GPR137: variants seen among roughly 807,000 people sequenced by gnomAD.
GPR137 encodes the protein G protein-coupled receptor 137, also known as integral membrane protein GPR137.
In GPR137, 20 loss-of-function variants were observed where a neutral mutation model predicts 38.9. The ratio of observed to expected loss-of-function variants is 0.51; its 90% CI spans 0.36 to 0.75. GPR137 has a LOEUF of 0.75. Ranked by LOEUF, GPR137 falls within the 30% of genes least tolerant of loss-of-function variation. The pLI, the probability that GPR137 is intolerant of heterozygous loss-of-function variation, is 0.00. For missense variants in GPR137, 456 were observed against 526.4 expected (o/e 0.87, Z 1.31); for synonymous variants, 226 against 235.8 (o/e 0.96, Z 0.38).
upstream of GPR137, among the ~76,000 whole-genome samples, chr11:64,281,234 G>A (rs1190724628): frequency 6.6e-6 from 1 of 152,170 alleles, no homozygotes; most frequent in Non-Finnish European, 1.5e-5. Context: ...CCAAAGTGCT[G>A]GGATTATAGG....
chr11:64,285,711 G>A, upstream of GPR137: 4 of 985,344 alleles, frequency 4.1e-6, no homozygotes, highest in Middle Eastern at 5.2e-4. Context: ...AACCCCGGGC[G>A]CCCGCCAGCG....
intron 2 of GPR137, among the ~76,000 whole-genome samples, chr11:64,277,208 C>G (rs1315687896): frequency 1.3e-5 from 2 of 152,206 alleles, no homozygotes; most frequent in Admixed American, 6.5e-5. Flanking sequence ...ATGCCGACCA[C>G]ACACAATCTG....
upstream of GPR137, chr11:64,284,331 T>C (rs1439907537): frequency 6.2e-7 from 1 of 1,612,860 alleles, no homozygotes; most frequent in Admixed American, 1.7e-5. Flanking sequence ...GCTGGAGTCT[T>C]CCTGCTCACT....
chr11:64,286,716 C>T lies in GPR137; in HGVS notation c.192C>T (p.Ala64=). The T allele has an allele frequency of 6.2e-7, 1 of 1,613,726 alleles. No homozygotes were observed. The highest frequency in any genetic ancestry group is 8.5e-7 in the Non-Finnish European group (1 of 1,179,770). ...TCAGCTATCAGACGGTGTTCCTGGCCCTCTGTCTGCTCTGGGCCGCCTTGC... is the reference window on the plus strand; with the variant it reads ...TCAGCTATCAGACGGTGTTCCTGGCTCTCTGTCTGCTCTGGGCCGCCTTGC... ...KRLSYQTVFL[A]LCLLWAALRT... is the part of the protein sequence containing the mutation. Residue 64 remains alanine (A), a synonymous_variant, in exon 1 of 7, where the codon GCC becomes GCT. Coordinates refer to ENST00000438980, the MANE Select transcript of GPR137 (RefSeq NM_001170880.2).
intron 2 of GPR137, chr11:64,287,479 C>T (rs986322281): frequency 1.4e-5 from 8 of 586,160 alleles, no homozygotes; most frequent in Non-Finnish European, 1.7e-5. Flanking sequence ...GGATCAAGGT[C>T]GCAGAGCTGG....
chr11:64,287,216 T>C, intron 2 of GPR137: 9 of 984,956 alleles, frequency 9.1e-6, no homozygotes, highest in Non-Finnish European at 1.1e-5. Context: ...ATAGGAATGC[T>C]TGTGGTAGTG....
upstream of GPR137, among the ~76,000 whole-genome samples, chr11:64,280,508 C>T (rs1330730219): frequency 2.0e-5 from 3 of 148,068 alleles, no homozygotes; most frequent in Non-Finnish European, 1.5e-5. Context: ...CCCACCACCA[C>T]GCCCGGCTAA....
upstream of GPR137, chr11:64,284,054 G>A: frequency 1.7e-6 from 2 of 1,156,684 alleles, no homozygotes; most frequent in South Asian, 1.6e-5. Flanking sequence ...TACGAAAGAG[G>A]AAACTGGGGC....
Position 64,288,400 on chromosome 11 carries a change from G to A in GPR137, c.844G>A (p.Val282Met), listed in dbSNP as rs1565362548. ...GYLVFGLILF[V>M]WELLPTTLLV... ...CCTGGTATTTGGCCTCATCCTCTTC[G>A]TGTGGGAGCTACTGCCCACCACCCT... The change falls in exon 5 of 7, where the codon GTG (valine) becomes ATG (methionine). Residue 282 changes from valine (V) to methionine (M), a missense_variant. Coordinates refer to ENST00000438980, the MANE Select transcript of GPR137 (RefSeq NM_001170880.2). This position sits in a 1 kb window ranked among gnomAD's most constrained non-coding sequence, Gnocchi z 5.5. 2.2e-5 allele frequency: 35 copies of A among 1,613,822 alleles called. No individual in the cohort carries two copies. The highest frequency in any genetic ancestry group is 4.0e-5 in the African/African-American group (3 of 75,022).
At chr11:64,282,944 G>A (rs2033582992), upstream of GPR137, among the ~76,000 whole-genome samples, 2 of 151,812 alleles carry the variant, frequency 1.3e-5, no homozygotes, top group African/African-American at 4.8e-5. Flanking sequence ...CCACACACCT[G>A]TATTCCCAGT....
chr11:64,287,671 T>C, intron 2 of GPR137, 50 bp from the exon 3 acceptor site: 1 of 1,593,032 alleles, frequency 6.3e-7, no homozygotes, highest in Non-Finnish European at 8.5e-7. Context: ...GGGCAGGTGG[T>C]GAGTGCTGAG....
At chr11:64,281,876 A>G (rs1296082846), upstream of GPR137, among the ~76,000 whole-genome samples, 2 of 152,200 alleles carry the variant, frequency 1.3e-5, no homozygotes, top group African/African-American at 2.4e-5. Flanking sequence ...GCGCGCCACC[A>G]TGCCCAGCTA....
At chr11:64,285,282 G>T, upstream of GPR137, 2 of 985,868 alleles carry the variant, frequency 2.0e-6, no homozygotes, top group Non-Finnish European at 2.4e-6. Context: ...CTCCTCCCTG[G>T]CTGGGATGGC....
chr11:64,285,124 T>C (rs1591189453), upstream of GPR137: 1 of 1,019,910 alleles, frequency 9.8e-7, no homozygotes, highest in Non-Finnish European at 1.2e-6. Context: ...TGATTATTGT[T>C]GCTATTGTTA....
chr11:64,277,242 T>C (rs2033137475), intron 2 of GPR137, among the ~76,000 whole-genome samples: 1 of 152,174 alleles, frequency 6.6e-6, no homozygotes, highest in African/African-American at 2.4e-5. Context: ...CTGACGTCAG[T>C]GGCCAGCACA....
At chr11:64,279,392 C>G (rs2033278330), upstream of GPR137, among the ~76,000 whole-genome samples, 1 of 152,138 alleles carries the variant, frequency 6.6e-6, no homozygotes, top group South Asian at 2.1e-4. Context: ...TGGACTGAGA[C>G]AAGCACAACT....
upstream of GPR137, among the ~76,000 whole-genome samples, chr11:64,282,889 A>G (rs1358807811): frequency 6.7e-6 from 1 of 149,624 alleles, no homozygotes; most frequent in East Asian, 1.9e-4. Context: ...AGGAAAAAAA[A>G]AAAAAAAAAA....
upstream of GPR137, among the ~76,000 whole-genome samples, chr11:64,279,550 A>G (rs966675753): frequency 1.3e-5 from 2 of 151,366 alleles, no homozygotes; most frequent in African/African-American, 4.9e-5. Context: ...GTGGATCACG[A>G]GGTCAGGAAT....
chr11:64,285,005 T>G (rs2033793717), upstream of GPR137: 2 of 1,249,820 alleles, frequency 1.6e-6, no homozygotes, highest in Non-Finnish European at 2.1e-6. Context: ...CCCAGTGAAG[T>G]GGGGATAGTG....
Sources: gnomAD v4.1 joint callset for allele counts (sites outside exome capture counted in the v4.1 genomes callset) on GRCh38, gnomAD v4.1.1 for gene constraint, Gnocchi (gnomAD v3.1) non-coding constraint, MANE v1.5 for transcripts, NCBI Gene and HGNC (gene_info 2026-07-23, HGNC 2026-07-21) for gene names.